Variants in RIC3 observed in about 807,000 individuals in gnomAD.
The protein encoded by RIC3 is RIC3 acetylcholine receptor chaperone.
A neutral mutation model predicts 27.3 loss-of-function variants in RIC3; 28 were observed. That is an observed-to-expected ratio of 1.02 (90% CI 0.76 to 1.41). The LOEUF (loss-of-function observed/expected upper bound fraction) is 1.41. RIC3 is among the 40% of genes most tolerant of loss of function. The probability of loss-of-function intolerance (pLI) is 0.00; values close to 1 mark genes in which losing one functional copy is unlikely to be tolerated. For missense variants in RIC3, 501 were observed against 444.7 expected (o/e 1.13, Z -1.14); for synonymous variants, 184 against 160.4 (o/e 1.15, Z -1.11).
At chr11:8,097,773 T>C in the RIC3 span, 1 of 1,614,022 alleles carries the variant, frequency 6.2e-7, no homozygotes, top group Non-Finnish European at 8.5e-7. Context: ...ACCTCATCTC[T>C]GTGGACCCAA....
At chr11:8,153,710 ACTTTTCCCCCAAGCT>A (rs1473793745) in intron 1 of RIC3, among the ~76,000 whole-genome samples, 1 of 152,098 alleles carries the variant, frequency 6.6e-6, no homozygotes, top group African/African-American at 2.4e-5. Context: ...TCTAGTTCTG[ACTTTTCCCCCAAGCT>A]CTTGTCTCTT....
chr11:8,118,666 G>A (rs535034803), intron 5 of RIC3, among the ~76,000 whole-genome samples: 3 of 151,732 alleles, frequency 2.0e-5, no homozygotes, highest in South Asian at 2.1e-4. Flanking sequence ...TCAAGAGTTC[G>A]AGACCAGCCT....
At chr11:8,133,836 G>A (rs1221438964) in intron 4 of RIC3, among the ~76,000 whole-genome samples, 2 of 152,148 alleles carry the variant, frequency 1.3e-5, no homozygotes, top group Non-Finnish European at 2.9e-5. Context: ...GGACTGAATG[G>A]TGGAGTAATT....
In RIC3 at chr11:8,168,956, C is replaced by T; in HGVS notation, c.34G>A (p.Ala12Thr). ...AYSTVQRVAL[A>T]SGLVLALSLL... Reference sequence around the variant, plus strand: ...GACAGAGCCAGGACAAGCCCAGAAGCCAGAGCGACTCTCTGCACTGTGGAG... The same window carrying T: ...GACAGAGCCAGGACAAGCCCAGAAGTCAGAGCGACTCTCTGCACTGTGGAG... Residue 12 changes from alanine to threonine, a missense_variant, in exon 1 of 6, where the codon GCT (alanine) becomes ACT (threonine). By Grantham distance (58) the Ala-to-Thr change is moderately conservative. Transcript: ENST00000309737. 6.2e-7 allele frequency: 1 copy of T among 1,609,702 alleles called. No individual in the cohort carries two copies. The highest frequency in any genetic ancestry group is 8.5e-7 in the Non-Finnish European group (1 of 1,178,136).
chr11:8,100,918 A>C, the RIC3 span: 1 of 1,614,166 alleles, frequency 6.2e-7, no homozygotes, highest in Non-Finnish European at 8.5e-7. Context: ...ATGATGACAC[A>C]CAGTCCTATG....
In RIC3 at chr11:8,109,843, G is replaced by A. The variant is rs1397302947; in HGVS notation, c.*855C>T. The A allele has an allele frequency of 1.3e-5, 2 of 152,250 alleles. No individual in the cohort carries two copies. Among genetic ancestry groups the A allele is most frequent in the Non-Finnish European group, 2.9e-5 (2 of 68,110 alleles). The allele number at this position is 152,250 out of a possible 1,614,324, so 9.4% of individuals were successfully genotyped here. A position where few individuals can be genotyped will look rare whatever the true frequency, so the allele number is the denominator to read the frequency against. On this transcript the variant is annotated 3_prime_UTR_variant, in exon 6 of 6. Transcript: ENST00000309737. ...ATAGGGTTGCAGCCTCCTCATGGCA[G>A]GACCATCCCTGGGCAGGGCTTCCTG...
intron 4 of RIC3, among the ~76,000 whole-genome samples, chr11:8,136,902 G>C (rs183319740): frequency 6.6e-6 from 1 of 151,890 alleles, no homozygotes; most frequent in Admixed American, 6.6e-5. Flanking sequence ...GACAGTATGT[G>C]AATGAAAAAT....
chr11:8,164,237 A>G (rs919826182), intron 1 of RIC3, among the ~76,000 whole-genome samples: 4 of 152,226 alleles, frequency 2.6e-5, no homozygotes, highest in Admixed American at 2.6e-4. Context: ...ACTTGAAAAC[A>G]TAGGCATAAA....
downstream of RIC3, chr11:8,101,411 T>C: frequency 6.3e-7 from 1 of 1,575,494 alleles, no homozygotes; most frequent in Non-Finnish European, 8.7e-7. Flanking sequence ...GTGGTTTGGG[T>C]GTCTGTCTAT....
At chr11:8,124,071 A>AAAAG (rs1240055755) in intron 5 of RIC3, among the ~76,000 whole-genome samples, 26 of 150,748 alleles carry the variant, frequency 1.7e-4, no homozygotes, top group Admixed American at 1.5e-3. Context: ...CCTGAAAAAA[A>AAAAG]AAAGAAAGAA....
chr11:8,101,467 TGC>T, downstream of RIC3: 1 of 1,614,098 alleles, frequency 6.2e-7, no homozygotes, highest in East Asian at 2.2e-5. Flanking sequence ...TCTCTGTCTG[TGC>T]CTGTGCTTGG....
At chr11:8,159,195 T>A (rs894074762) in intron 1 of RIC3, among the ~76,000 whole-genome samples, 1 of 152,072 alleles carries the variant, frequency 6.6e-6, no homozygotes, top group Non-Finnish European at 1.5e-5. Context: ...AGAGAAAACA[T>A]GAAGACGAAG....
chr11:8,131,533 A>T (rs1947706279), intron 4 of RIC3, among the ~76,000 whole-genome samples: 4 of 152,214 alleles, frequency 2.6e-5, no homozygotes, highest in Admixed American at 2.6e-4. Flanking sequence ...CTCTATATAT[A>T]GAGGTCAGGA....
the RIC3 span, among the ~76,000 whole-genome samples, chr11:8,093,555 T>A: frequency 6.6e-6 from 1 of 152,088 alleles, no homozygotes; most frequent in African/African-American, 2.4e-5. Context: ...GTCCCAGAGT[T>A]GTTGTTCTGA....
the RIC3 span, chr11:8,094,165 A>G: frequency 6.8e-6 from 11 of 1,613,610 alleles, no homozygotes; most frequent in Admixed American, 1.7e-4. Context: ...CGCCGCTAGG[A>G]AGGAGAAGAA....
At chr11:8,150,169 C>G (rs529394015) in intron 1 of RIC3, among the ~76,000 whole-genome samples, 1 of 152,170 alleles carries the variant, frequency 6.6e-6, no homozygotes, top group Non-Finnish European at 1.5e-5. Flanking sequence ...CCCATCCCTC[C>G]AAGTGTATGT....
the RIC3 span, chr11:8,097,545 C>T: frequency 7.1e-7 from 1 of 1,417,106 alleles, no homozygotes; most frequent in Non-Finnish European, 9.8e-7. Flanking sequence ...AAAGAAACTG[C>T]CTTCGTGTCT....
At chr11:8,100,992 A>G in the RIC3 span, 2 of 1,614,170 alleles carry the variant, frequency 1.2e-6, no homozygotes, top group South Asian at 1.1e-5. Flanking sequence ...ATCCATGGCA[A>G]TGACCGTGAG....
chr11:8,168,731 C>T (rs1951987037), intron 1 of RIC3, 135 bp downstream of exon 1: 1 of 1,318,756 alleles, frequency 7.6e-7, no homozygotes. Flanking sequence ...TCAACGCCGT[C>T]TCGCCCGCCC....
Sources: allele counts gnomAD v4.1 joint callset (sites outside exome capture counted in the v4.1 genomes callset), GRCh38; gene constraint gnomAD v4.1.1; transcripts MANE v1.5; gene names NCBI Gene and HGNC (gene_info 2026-07-23, HGNC 2026-07-21).